VWDE: variants seen among roughly 807,000 people sequenced by gnomAD.
VWDE encodes von Willebrand factor D and EGF domains.
A neutral mutation model predicts 178.4 loss-of-function variants in VWDE; 207 were observed. The observed-to-expected ratio is 1.16, with a 90% confidence interval of 1.04 to 1.30. VWDE has a LOEUF of 1.30. VWDE is among the 50% of genes most tolerant of loss of function. The pLI is 0.00. For missense variants in VWDE, 2,287 were observed against 1,901.3 expected (o/e 1.20, Z -3.77); for synonymous variants, 738 against 651.4 (o/e 1.13, Z -2.02).
At chr7:12,349,941 A>T (rs1020720948) in intron 19 of VWDE, among the ~76,000 whole-genome samples, 1 of 152,102 alleles carries the variant, frequency 6.6e-6, no homozygotes, top group African/African-American at 2.4e-5. Context: ...CTGGCAAAAT[A>T]AAAATGATGA....
In VWDE at chr7:12,355,710, A is replaced by G. The variant is rs1030625144; in HGVS notation, c.3745+401T>C. Among the ~76,000 whole-genome samples, 6 of 152,234 alleles carry G rather than the reference A, an allele frequency of 3.9e-5. No individual in the cohort carries two copies. The South Asian group carries it at 8.3e-4, about 21-fold the overall frequency. ...CATTTGATTTCAACTTCTTACCATG[A>G]TATTTCTAAGTCAACGAATTATCAG... On this transcript the variant is annotated intron_variant, in intron 18 of 28. Coordinates refer to ENST00000275358, the MANE Select transcript of VWDE (RefSeq NM_001135924.3).
At chr7:12,336,910 AAAAT>A (rs1212665651) in intron 26 of VWDE, 74 bp downstream of exon 26, 2 of 1,355,734 alleles carry the variant, frequency 1.5e-6, no homozygotes, top group Non-Finnish European at 9.9e-7. Context: ...AAAAGTGAAA[AAAAT>A]GCTCTGTTTT....
intron 18 of VWDE, among the ~76,000 whole-genome samples, chr7:12,352,291 T>A (rs1477652075): frequency 6.6e-6 from 1 of 152,230 alleles, no homozygotes; most frequent in Non-Finnish European, 1.5e-5. Flanking sequence ...CCCTTCATGC[T>A]ATTGATTCTT....
chr7:12,402,366 T>A (rs1345205205), intron 1 of VWDE, among the ~76,000 whole-genome samples: 1 of 152,166 alleles, frequency 6.6e-6, no homozygotes, highest in Non-Finnish European at 1.5e-5. Flanking sequence ...AAAAAAGAAG[T>A]CTCAATAAAT....
At chr7:12,365,359 T>C (rs1782801611) in intron 13 of VWDE, among the ~76,000 whole-genome samples, 1 of 152,072 alleles carries the variant, frequency 6.6e-6, no homozygotes, top group Non-Finnish European at 1.5e-5. Context: ...GGGTGAAGAA[T>C]TACTGGAAAC....
At position 12,342,067 on chromosome 7, in the gene VWDE, C is replaced by T. The variant is rs1781361613; in HGVS notation, c.4262G>A (p.Cys1421Tyr). ...QCKPGWYGPT[C>Y]STALCDPVCL... The stretch of plus-strand genomic sequence containing the variant: ...AATATTTCCAATTTTACCTGTACTA[C>T]AGGTGGGTCCATACCAGCCAGGTTT... Residue 1421 changes from cysteine to tyrosine, a missense_variant, in exon 23 of 29, where the codon TGT becomes TAT. Coordinates refer to ENST00000275358, the MANE Select transcript of VWDE (RefSeq NM_001135924.3). 2.6e-6 allele frequency: 4 copies of T among 1,550,976 alleles called. No homozygotes were observed. The highest frequency in any genetic ancestry group is 3.5e-6 in the Non-Finnish European group (4 of 1,146,516).
At chr7:12,377,224 A>T (rs1302339697) in intron 7 of VWDE, among the ~76,000 whole-genome samples, 1 of 152,196 alleles carries the variant, frequency 6.6e-6, no homozygotes, top group Non-Finnish European at 1.5e-5. Flanking sequence ...ATTGACACAT[A>T]TGTGGCCATG....
intron 12 of VWDE, 68 bp downstream of exon 12, chr7:12,369,477 T>G: frequency 1.4e-6 from 2 of 1,449,174 alleles, no homozygotes; most frequent in East Asian, 2.5e-5. Flanking sequence ...GAGGGTGAAA[T>G]AAAGATCAAA....
rs1456045768 is a variant in VWDE at position 12,356,265 on chromosome 7, TG to T, written c.3590del (p.Pro1197GlnfsTer58). ...GSCVSDRNFS[P>X]GSGVYLCVCL... Reference sequence around the variant, plus strand: ...AGACACACAGGTACACTCCACTCCCTGGAGAAAAGTTCCTATCAGATACACA... The same window carrying T: ...AGACACACAGGTACACTCCACTCCCTGAGAAAAGTTCCTATCAGATACACA... On this transcript the variant is annotated frameshift_variant, in exon 18 of 29. Coordinates refer to ENST00000275358, the MANE Select transcript of VWDE (RefSeq NM_001135924.3). LOFTEE classifies it high-confidence loss of function. 1 of 1,551,546 alleles carries T rather than the reference TG, an allele frequency of 6.4e-7. No homozygotes were observed. The highest frequency in any genetic ancestry group is 1.4e-5 in the African/African-American group (1 of 73,134).
intron 3 of VWDE, 25 bp from the exon 4 acceptor site, chr7:12,383,626 A>T (rs1223926841): frequency 6.5e-7 from 1 of 1,543,594 alleles, no homozygotes; most frequent in East Asian, 2.5e-5. Context: ...GGTTTGTATA[A>T]TTATTCAGCT....
intron 21 of VWDE, among the ~76,000 whole-genome samples, chr7:12,343,425 C>A (rs992250250): frequency 6.6e-6 from 1 of 152,054 alleles, no homozygotes; most frequent in Non-Finnish European, 1.5e-5. Context: ...AGGACCTTGG[C>A]CTTCTTCTGA....
At chr7:12,381,267 T>G (rs189920267) in intron 4 of VWDE, among the ~76,000 whole-genome samples, 1 of 152,142 alleles carries the variant, frequency 6.6e-6, no homozygotes, top group African/African-American at 2.4e-5. Context: ...TTAAAGAAAT[T>G]TGAAGTTTCC....
intron 1 of VWDE, among the ~76,000 whole-genome samples, chr7:12,401,293 A>G (rs142149103): frequency 1.1e-3 from 165 of 152,272 alleles, no homozygotes; most frequent in African/African-American, 3.5e-3. Context: ...CATATAGAAA[A>G]TTCTAAGGAA....
At chr7:12,399,024 A>G (rs543473776) in intron 1 of VWDE, among the ~76,000 whole-genome samples, 6 of 152,130 alleles carry the variant, frequency 3.9e-5, no homozygotes, top group Non-Finnish European at 8.8e-5. Flanking sequence ...AAACCTGCAC[A>G]TGTACTCCTT....
At chr7:12,350,444 C>T (rs1398701948) in intron 19 of VWDE, among the ~76,000 whole-genome samples, 1 of 152,024 alleles carries the variant, frequency 6.6e-6, no homozygotes, top group Admixed American at 6.6e-5. Flanking sequence ...AAAACCCACT[C>T]CCAATTTAAA....
intron 19 of VWDE, among the ~76,000 whole-genome samples, chr7:12,351,097 G>A (rs1781909211): frequency 6.6e-6 from 1 of 152,116 alleles, no homozygotes; most frequent in South Asian, 2.1e-4. Flanking sequence ...AACAGTTGAT[G>A]TTACAGAATG....
At chr7:12,332,823 C>T (rs991837582) in intron 28 of VWDE, among the ~76,000 whole-genome samples, 2 of 152,256 alleles carry the variant, frequency 1.3e-5, no homozygotes, top group African/African-American at 4.8e-5. Flanking sequence ...AATTTCTAAT[C>T]AGTTGTCAAA....
Position 12,340,347 on chromosome 7 carries a change from T to C in VWDE, c.4341A>G (p.Gly1447=), listed in dbSNP as rs1254216253. 2 of 1,551,178 alleles carry C rather than the reference T, an allele frequency of 1.3e-6. No individual in the cohort carries two copies. The highest frequency in any genetic ancestry group is 3.9e-5 in the Admixed American group (2 of 50,958). Residue 1447 remains glycine (G), a synonymous_variant, in exon 24 of 29, where the codon GGA becomes GGG. Coordinates refer to ENST00000275358, the MANE Select transcript of VWDE (RefSeq NM_001135924.3). ...NKPNTCLCPN[G]FFGEHCQNAF... ...CATTCTGACAGTGTTCCCCAAAGAA[T>C]CCATTTGGACAGAGGCAAGTATTTG...
At chr7:12,372,577 G>C (rs1003398953) in intron 10 of VWDE, among the ~76,000 whole-genome samples, 1 of 151,838 alleles carries the variant, frequency 6.6e-6, no homozygotes, top group Non-Finnish European at 1.5e-5. Context: ...TATAATCTTA[G>C]GTTTGTTTCC....
Sources: allele counts gnomAD v4.1 joint callset (sites outside exome capture counted in the v4.1 genomes callset), GRCh38; gene constraint gnomAD v4.1.1; transcripts MANE v1.5; gene names NCBI Gene and HGNC (gene_info 2026-07-23, HGNC 2026-07-21).